DDX47: variants seen among roughly 807,000 people sequenced by gnomAD.
DDX47 encodes DEAD-box helicase 47, also known as probable ATP-dependent RNA helicase DDX47.
In DDX47, 60 loss-of-function variants were observed where a neutral mutation model predicts 58.8. The observed-to-expected ratio is 1.02, with a 90% CI of 0.83 to 1.26. The LOEUF is 1.26. Among genes scored for constraint, DDX47 ranks in the 50% most tolerant of loss-of-function variants. DDX47 has a pLI of 0.00. For missense variants in DDX47, 530 were observed against 573.2 expected (o/e 0.92, Z 0.77); for synonymous variants, 197 against 204.6 (o/e 0.96, Z 0.32).
chr12:12,824,911 G>A (rs1213040461), intron 9 of DDX47: 3 of 418,340 alleles, frequency 7.2e-6, no homozygotes, highest in Non-Finnish European at 1.3e-5. Flanking sequence ...AGAAGGGGCT[G>A]GTGCGCCACA....
At chr12:12,829,143 A>G (rs1461175721) in intron 11 of DDX47, among the ~76,000 whole-genome samples, 1 of 152,194 alleles carries the variant, frequency 6.6e-6, no homozygotes, top group African/African-American at 2.4e-5. Context: ...AAATGAGAGT[A>G]TATGTGAATT....
intron 9 of DDX47, chr12:12,825,196 T>TGACCTCGTGATCTGCC (rs1863034912): frequency 6.5e-6 from 1 of 153,116 alleles, no homozygotes; most frequent in Non-Finnish European, 1.5e-5. Flanking sequence ...CTTGATCTCC[T>TGACCTCGTGATCTGCC]GACCTCGTGA....
At chr12:12,825,839 A>T (rs996245241) in intron 9 of DDX47, among the ~76,000 whole-genome samples, 161 bp from the exon 10 acceptor site, 2 of 152,246 alleles carry the variant, frequency 1.3e-5, no homozygotes, top group Non-Finnish European at 2.9e-5. Context: ...AAAAAAGATG[A>T]AGTAGATTTG....
At chr12:12,821,750 GA>G (rs770985836) in intron 4 of DDX47, 24 bp downstream of exon 4, 106 of 1,557,134 alleles carry the variant, frequency 6.8e-5, no homozygotes, top group Non-Finnish European at 7.6e-5. Context: ...AAAGGTAAAA[GA>G]CACTGGCAGT....
At chr12:12,813,922 C>T (rs145582978) in intron 1 of DDX47, among the ~76,000 whole-genome samples, 93 of 152,292 alleles carry the variant, frequency 6.1e-4, no homozygotes, top group African/African-American at 2.2e-3. Flanking sequence ...ATGTAAAGCA[C>T]CTGGCCTTGG....
At chr12:12,818,304 G>A (rs1335581912) in intron 2 of DDX47, among the ~76,000 whole-genome samples, 1 of 152,152 alleles carries the variant, frequency 6.6e-6, no homozygotes, top group Non-Finnish European at 1.5e-5. Context: ...GGTGGATCAC[G>A]AGGTCAGGAG....
At chr12:12,827,821 A>T (rs574894750) in intron 11 of DDX47, among the ~76,000 whole-genome samples, 2 of 151,910 alleles carry the variant, frequency 1.3e-5, no homozygotes, top group African/African-American at 4.8e-5. Context: ...GGGGTTGATC[A>T]TACCTAATCC....
In DDX47 at chr12:12,821,639, C is replaced by T. The variant is rs1052639194; in HGVS notation, c.371-16C>T. ...AAATTAAGGATCTCGTCTCTATGTT[C>T]TTTTTTTCTCTGTAGCTGTGATTGT... On this transcript the variant is annotated splice_polypyrimidine_tract_variant and intron_variant, in intron 3 of 11. Transcript: ENST00000358007. The T allele has an allele frequency of 6.2e-7, 1 of 1,612,372 alleles. No homozygotes were observed. Among genetic ancestry groups the T allele is most frequent in the Non-Finnish European group, 8.5e-7 (1 of 1,178,842 alleles).
In DDX47 at chr12:12,813,395, C is replaced by T. The variant is rs1209190560; in HGVS notation, c.28C>T (p.Pro10Ser). The change falls in exon 1 of 12, where the codon CCG becomes TCG. Residue 10 changes from proline to serine, a missense_variant. Transcript: ENST00000358007. MAAPEEHDS[P>S]TEASQPIVEE... Reference sequence around the variant, plus strand: ...GGCGGCACCCGAGGAACACGATTCTCCGACCGAAGCGTCCCAGCCGATTGT... The same window carrying T: ...GGCGGCACCCGAGGAACACGATTCTTCGACCGAAGCGTCCCAGCCGATTGT... 3 of 1,613,488 alleles carry T rather than the reference C, an allele frequency of 1.9e-6. No individual in the cohort carries two copies. The East Asian group carries it at 6.7e-5, about 36-fold the overall frequency.
In DDX47 at chr12:12,821,703, CA is replaced by C; in HGVS notation, c.426del (p.Lys142AsnfsTer4). On this transcript the variant is annotated frameshift_variant, in exon 4 of 12. Transcript: ENST00000358007. LOFTEE classifies it high-confidence loss of function. ...TCAATGTCTCAATCTTTGGCCCTTG[CA>C]AAAAAACCACATATAATAATAGGTG... ...IDSMSQSLAL[A>X]KKPHIIIATP... 6.2e-7 allele frequency: 1 copy of C among 1,612,304 alleles called. No individual in the cohort carries two copies. Among genetic ancestry groups the C allele is most frequent in the Non-Finnish European group, 8.5e-7 (1 of 1,179,094 alleles).
chr12:12,815,465 A>T (rs919850067), intron 2 of DDX47, among the ~76,000 whole-genome samples: 1 of 152,222 alleles, frequency 6.6e-6, no homozygotes, highest in Non-Finnish European at 1.5e-5. Flanking sequence ...TTACAAGTTG[A>T]ACAGGGACCT....
intron 8 of DDX47, chr12:12,824,242 G>A (rs948740629): frequency 5.0e-6 from 3 of 602,216 alleles, no homozygotes; most frequent in South Asian, 5.4e-5. Context: ...TTTGCAAGCT[G>A]TTGAGTTGAT....
rs1863023942 is a variant in DDX47, at chr12:12,824,642, G to A, written c.1000G>A (p.Val334Met). 1 of 1,614,188 alleles carries A rather than the reference G, an allele frequency of 6.2e-7. No homozygotes were observed. The highest frequency in any genetic ancestry group is 2.2e-5 in the East Asian group (1 of 44,876). The change falls in exon 9 of 12, where the codon GTG (valine) becomes ATG (methionine). Residue 334 changes from valine to methionine, a missense_variant. Physicochemically the swap from Val to Met is conservative, Grantham distance 21. Transcript: ENST00000358007. ...SRGLDIPHVD[V>M]VVNFDIPTHS... ...AGGTTTGGACATACCTCATGTAGAT[G>A]TGGTTGTCAACTTTGACATTCCTAC... is the stretch of plus-strand genomic sequence containing the variant.
chr12:12,821,513 GT>G, intron 3 of DDX47, 117 bp downstream of exon 3: 3 of 1,434,538 alleles, frequency 2.1e-6, no homozygotes, highest in Non-Finnish European at 2.9e-6. Context: ...AAGAGCTAAT[GT>G]TGTATTTGAG....
intron 8 of DDX47, 45 bp downstream of exon 8, chr12:12,824,061 C>T (rs200046784): frequency 4.0e-5 from 63 of 1,586,986 alleles, no homozygotes; most frequent in African/African-American, 3.8e-4. Flanking sequence ...GTGGCGTGAG[C>T]GAGATAAACC....
intron 5 of DDX47, among the ~76,000 whole-genome samples, 154 bp from the exon 6 acceptor site, chr12:12,822,507 G>C (rs556332498): frequency 6.6e-6 from 1 of 152,004 alleles, no homozygotes; most frequent in African/African-American, 2.4e-5. Flanking sequence ...TAAATATTCA[G>C]TAAACTTTAG....
In DDX47 at chr12:12,829,666, T is replaced by C; in HGVS notation, c.*112T>C. The stretch of plus-strand genomic sequence containing the variant: ...ATTGGTCAGAATTGTGTCCAGAATG[T>C]GCTCAGCTAATTCAGTATTCTTCCC... On this transcript the variant is annotated 3_prime_UTR_variant, in exon 12 of 12. Coordinates refer to ENST00000358007, the MANE Select transcript of DDX47 (RefSeq NM_016355.4). 7.4e-7 allele frequency: 1 copy of C among 1,348,174 alleles called. No individual in the cohort carries two copies. The allele number at this position is 1,348,174 out of a possible 1,614,324, so 83.5% of individuals were successfully genotyped here.
chr12:12,823,236 C>G lies in DDX47; in HGVS notation c.667C>G (p.Pro223Ala). 1.2e-6 allele frequency: 2 copies of G among 1,613,960 alleles called. No homozygotes were observed. The highest frequency in any genetic ancestry group is 1.7e-6 in the Non-Finnish European group (2 of 1,179,828). The change falls in exon 7 of 12, where the codon CCT (proline) becomes GCT (alanine). Residue 223 changes from proline (P) to alanine (A), a missense_variant. Pro to Ala is a conservative substitution (Grantham distance 27). Coordinates refer to ENST00000358007, the MANE Select transcript of DDX47 (RefSeq NM_016355.4). ...QKLQRAALKN[P>A]VKCAVSSKYQ... ...ACTTCAGCGAGCAGCTCTGAAGAATCCTGTGAAATGTGCCGTTTCCTCTAA... is the reference window on the plus strand; with the variant it reads ...ACTTCAGCGAGCAGCTCTGAAGAATGCTGTGAAATGTGCCGTTTCCTCTAA...
chr12:12,823,555 C>A (rs895595240), intron 7 of DDX47: 22 of 551,510 alleles, frequency 4.0e-5, no homozygotes, highest in Non-Finnish European at 6.4e-5. Context: ...CCTTCCCATC[C>A]CCATCCTTGA....
Sources: allele counts gnomAD v4.1 joint callset (sites outside exome capture counted in the v4.1 genomes callset), GRCh38; gene constraint gnomAD v4.1.1; transcripts MANE v1.5; gene names NCBI Gene and HGNC (gene_info 2026-07-23, HGNC 2026-07-21).